EDARADD: variants seen among roughly 807,000 people sequenced by gnomAD.
EDARADD encodes ectodysplasin-A receptor-associated adapter protein.
EDARADD carries 20 observed loss-of-function variants against 25.6 expected under a neutral mutation model. That is an observed-to-expected ratio of 0.78 (90% CI 0.55 to 1.14). The LOEUF is 1.14. Ranked by LOEUF, EDARADD falls within the 50% of genes most tolerant of loss-of-function variation. The pLI is 0.00. For synonymous variants in EDARADD, 86 were observed against 94.4 expected (o/e 0.91, Z 0.52); for missense variants, 225 against 270.1 (o/e 0.83, Z 1.17).
chr1:236,378,705 T>C (rs915490949), intron 3 of EDARADD, among the ~76,000 whole-genome samples: 3 of 152,192 alleles, frequency 2.0e-5, no homozygotes, highest in African/African-American at 4.8e-5. Context: ...TATTTTGCAA[T>C]CTTCATTAAT....
At chr1:236,382,807 C>T (rs1180798799) in intron 3 of EDARADD, among the ~76,000 whole-genome samples, 3 of 152,180 alleles carry the variant, frequency 2.0e-5, no homozygotes, top group Non-Finnish European at 4.4e-5. Context: ...GGCACTATTA[C>T]TAGCCCTGAG....
chr1:236,484,035 T>G lies in EDARADD; in HGVS notation c.*1386T>G. On this transcript the variant is annotated 3_prime_UTR_variant, in exon 6 of 6. Transcript: ENST00000334232. This position sits in a 1 kb window ranked among gnomAD's most constrained non-coding sequence, Gnocchi z 4.1. ...CTTCATCAAAAACTACCCAGTGGTG[T>G]CTACTGAAGATCCCTTTGACCAGGA... 1 of 1,534,856 alleles carries G rather than the reference T, an allele frequency of 6.5e-7. No homozygotes were observed. The highest frequency in any genetic ancestry group is 9.0e-7 in the Non-Finnish European group (1 of 1,109,598).
Position 236,431,891 on chromosome 1 carries a change from G to T in EDARADD, c.219+4441G>T, listed in dbSNP as rs1258356793. 7.1e-5 allele frequency among the ~76,000 whole-genome samples: 3 copies of T among 42,166 alleles called. 1 individual carries two copies. Among genetic ancestry groups the T allele is most frequent in the Non-Finnish European group, 1.8e-4 (2 of 10,948 alleles). 27.7% of individuals were successfully genotyped at this position (42,166 alleles called of 152,430 possible). ...AGCCGAGATTGCGCCACTGCAGTCCGCAGTCCGACCTGGGCGACAGAGCGA... is the reference window on the plus strand; with the variant it reads ...AGCCGAGATTGCGCCACTGCAGTCCTCAGTCCGACCTGGGCGACAGAGCGA... On this transcript the variant is annotated intron_variant, in intron 4 of 5. Transcript: ENST00000334232.
At chr1:236,462,741 A>T (rs111624403) in intron 4 of EDARADD, among the ~76,000 whole-genome samples, 4 of 152,364 alleles carry the variant, frequency 2.6e-5, no homozygotes, top group African/African-American at 7.2e-5. Context: ...TTCTGTTCAA[A>T]GAATTCTTGG....
At chr1:236,379,286 C>T (rs967595004) in intron 3 of EDARADD, among the ~76,000 whole-genome samples, 26 of 152,214 alleles carry the variant, frequency 1.7e-4, no homozygotes, top group Middle Eastern at 3.4e-3. Context: ...AGGAGAATCG[C>T]TTGAACCTGG....
chr1:236,389,588 T>A (rs1667396927), upstream of EDARADD, among the ~76,000 whole-genome samples: 1 of 152,076 alleles, frequency 6.6e-6, no homozygotes, highest in Non-Finnish European at 1.5e-5. Flanking sequence ...AGCACAAAGG[T>A]AATATTTTAC....
At chr1:236,431,927 CAA>C (rs1170622280) in intron 4 of EDARADD, among the ~76,000 whole-genome samples, 2 of 17,992 alleles carry the variant, frequency 1.1e-4, no homozygotes, top group Non-Finnish European at 2.5e-4. Context: ...GACTCCGTCT[CAA>C]AAAAAAAAAA....
intron 5 of EDARADD, among the ~76,000 whole-genome samples, chr1:236,479,856 G>C (rs1276865472): frequency 1.3e-5 from 2 of 150,788 alleles, no homozygotes; most frequent in African/African-American, 4.9e-5. Flanking sequence ...GACCAGCCTG[G>C]GTAACATAGC....
intron 1 of EDARADD, among the ~76,000 whole-genome samples, chr1:236,406,073 AC>A: frequency 6.7e-6 from 1 of 150,250 alleles, no homozygotes; most frequent in East Asian, 2.0e-4. Flanking sequence ...CACACTCCAA[AC>A]CCATTTACCT....
In EDARADD at chr1:236,408,125, G is replaced by C. The variant is rs141235070; in HGVS notation, c.62-1091G>C. Among the ~76,000 whole-genome samples, 174 of 152,218 alleles carry C rather than the reference G, an allele frequency of 1.1e-3. 1 individual carries two copies. The highest frequency in any genetic ancestry group is 3.5e-3 in the African/African-American group (145 of 41,548). On this transcript the variant is annotated intron_variant, in intron 1 of 5. Coordinates refer to ENST00000334232, the MANE Select transcript of EDARADD (RefSeq NM_145861.4). Reference sequence around the variant, plus strand: ...AGTTTGTGGTTGTTTGTAACTCTGGGTATTTGAAGATATTTATAGGTAACC... The same window carrying C: ...AGTTTGTGGTTGTTTGTAACTCTGGCTATTTGAAGATATTTATAGGTAACC...
At chr1:236,475,781 A>AAC (rs1571958584) in intron 5 of EDARADD, among the ~76,000 whole-genome samples, 1 of 150,522 alleles carries the variant, frequency 6.6e-6, no homozygotes, top group East Asian at 1.9e-4. Flanking sequence ...AAAGAAAGAA[A>AAC]ACACACACAC....
chr1:236,457,880 T>G (rs182969889), intron 4 of EDARADD, among the ~76,000 whole-genome samples: 9 of 151,836 alleles, frequency 5.9e-5, no homozygotes, highest in Admixed American at 1.3e-4. Flanking sequence ...TTTTTAGCAC[T>G]TAGTAGTTAT....
chr1:236,448,709 C>T (rs1658631046), intron 4 of EDARADD, among the ~76,000 whole-genome samples: 1 of 152,184 alleles, frequency 6.6e-6, no homozygotes, highest in Non-Finnish European at 1.5e-5. Flanking sequence ...ATGCAAATTT[C>T]TTAGGCCAAG....
chr1:236,401,571 A>T (rs2103003522), intron 1 of EDARADD, among the ~76,000 whole-genome samples: 1 of 152,192 alleles, frequency 6.6e-6, no homozygotes, highest in South Asian at 2.1e-4. Flanking sequence ...AGAGGCTCTG[A>T]TTTGGTAGAT....
intron 4 of EDARADD, among the ~76,000 whole-genome samples, chr1:236,433,485 AC>A (rs1207362615): frequency 9.9e-5 from 15 of 151,204 alleles, no homozygotes; most frequent in Non-Finnish European, 8.8e-5. Context: ...TAATTTTTGT[AC>A]TTTTAGTAGA....
At chr1:236,394,577 T>C in intron 1 of EDARADD, 72 bp downstream of exon 1, 2 of 1,403,502 alleles carry the variant, frequency 1.4e-6, no homozygotes, top group Non-Finnish European at 2.0e-6. Flanking sequence ...TTATTTACGA[T>C]AATTCTTGGA....
At chr1:236,363,504 G>T (rs1667078772) in intron 3 of EDARADD, among the ~76,000 whole-genome samples, 1 of 151,620 alleles carries the variant, frequency 6.6e-6, no homozygotes, top group African/African-American at 2.4e-5. Flanking sequence ...ATCACTTGAG[G>T]CCGGGAGTTT....
chr1:236,363,006 A>ATATATATATATATATATATATATAT (rs1553262239), intron 3 of EDARADD, among the ~76,000 whole-genome samples: 2 of 42,944 alleles, frequency 4.7e-5, no homozygotes, highest in African/African-American at 2.2e-4. Flanking sequence ...AAAAAAAAAA[A>ATATATATATATATATATATATATAT]ATATATATAT....
intron 3 of EDARADD, among the ~76,000 whole-genome samples, chr1:236,358,379 C>T (rs1553261810): frequency 6.6e-6 from 1 of 152,216 alleles, no homozygotes; most frequent in Non-Finnish European, 1.5e-5. Context: ...TGTCTTTTGA[C>T]AATATGCAAA....
Sources: allele counts gnomAD v4.1 joint callset (sites outside exome capture counted in the v4.1 genomes callset), GRCh38; gene constraint gnomAD v4.1.1; non-coding constraint Gnocchi (gnomAD v3.1); transcripts MANE v1.5; gene names NCBI Gene and HGNC (gene_info 2026-07-23, HGNC 2026-07-21).